The following LRCH1 variants were observed in gnomAD, a reference collection of about 807,000 sequenced individuals.
LRCH1 encodes the protein leucine rich repeats and calponin homology domain containing 1, also known as leucine-rich repeat and calponin homology domain-containing protein 1.
LRCH1 carries 23 observed loss-of-function variants against 94.9 expected under a neutral mutation model. The observed-to-expected ratio is 0.24, with a 90% CI of 0.17 to 0.34. The LOEUF (loss-of-function observed/expected upper bound fraction) is 0.34, where lower values mean the gene tolerates loss of function less well. Among genes scored for constraint, LRCH1 ranks in the 10% least tolerant of loss-of-function variants. The probability of loss-of-function intolerance (pLI) is 1.00; values close to 1 mark genes in which losing one functional copy is unlikely to be tolerated. For missense variants in LRCH1, 790 were observed against 945.9 expected (o/e 0.84, Z 2.16); for synonymous variants, 364 against 354.9 (o/e 1.03, Z -0.29).
chr13:46,658,530 A>AGTGC (rs982891929), intron 2 of LRCH1, among the ~76,000 whole-genome samples: 7 of 152,130 alleles, frequency 4.6e-5, no homozygotes, highest in African/African-American at 1.7e-4. Flanking sequence ...CTCAGGCCGG[A>AGTGC]GTGCAGTGGT....
chr13:46,553,533 G>A lies in LRCH1; in HGVS notation c.137G>A (p.Gly46Asp), dbSNP rs1196480988. Residue 46 changes from glycine (G) to aspartate (D), a missense_variant, in exon 1 of 20, where the codon GGT becomes GAT. Transcript: ENST00000389797. ...GGAACCGGCGCCCCCGGCGGGGCGG[G>A]TGGTGGCGGCGGTGGCAGCGGGGGC... is the stretch of plus-strand genomic sequence containing the variant. ...HGGTGAPGGA[G>D]GGGGGSGGFN... The A allele has an allele frequency of 2.6e-6, 4 of 1,546,624 alleles. No individual in the cohort carries two copies. The highest frequency in any genetic ancestry group is 1.4e-5 in the African/African-American group (1 of 72,810).
intron 17 of LRCH1, among the ~76,000 whole-genome samples, chr13:46,723,661 G>C (rs7988835): frequency 6.6e-6 from 1 of 151,962 alleles, no homozygotes; most frequent in East Asian, 1.9e-4. Context: ...TTAGCTGGGC[G>C]TGGTGGCGTA....
At chr13:46,609,761 T>C (rs2050726751) in intron 1 of LRCH1, among the ~76,000 whole-genome samples, 1 of 152,106 alleles carries the variant, frequency 6.6e-6, no homozygotes, top group African/African-American at 2.4e-5. Flanking sequence ...TTTTTAAAAA[T>C]TTATAGCTGT....
At chr13:46,645,162 AC>A (rs140630408) in intron 1 of LRCH1, among the ~76,000 whole-genome samples, 12,972 of 152,302 alleles carry the variant, frequency 0.085, 665 homozygotes, top group Middle Eastern at 0.15. Flanking sequence ...CCAGACTGAT[AC>A]ACTAATTAGT....
intron 4 of LRCH1, 52 bp from the exon 5 acceptor site, chr13:46,685,853 T>G: frequency 1.5e-6 from 2 of 1,294,138 alleles, no homozygotes; most frequent in Non-Finnish European, 2.1e-6. Flanking sequence ...CATTTAATCT[T>G]ATTGATTTCT....
rs535598891 is a variant in LRCH1, at chr13:46,699,883, G to A, written c.1313+480G>A. Among the ~76,000 whole-genome samples the A allele has an allele frequency of 3.5e-4, 54 of 152,236 alleles. 1 individual carries two copies. The South Asian group carries it at 9.1e-3, about 26-fold the overall frequency. On this transcript the variant is annotated intron_variant, in intron 10 of 19. Transcript: ENST00000389797. The stretch of plus-strand genomic sequence containing the variant: ...AGGCATTGTCCTAAATACTTGACAG[G>A]CCATAACTCATTTCATCTTTACAAC...
At chr13:46,691,909 CGATCTCTT>C (rs959748408) in intron 7 of LRCH1, among the ~76,000 whole-genome samples, 24 of 152,122 alleles carry the variant, frequency 1.6e-4, no homozygotes, top group African/African-American at 5.8e-4. Context: ...AGGATGGTCT[CGATCTCTT>C]GATCTTGTGA....
intron 10 of LRCH1, among the ~76,000 whole-genome samples, chr13:46,700,493 A>T (rs1361421810): frequency 6.6e-6 from 1 of 151,864 alleles, no homozygotes; most frequent in African/African-American, 2.4e-5. Context: ...TTGTTTTTAA[A>T]CTATATAACG....
chr13:46,613,769 A>G (rs544995335), intron 1 of LRCH1, among the ~76,000 whole-genome samples: 1 of 152,320 alleles, frequency 6.6e-6, no homozygotes, highest in South Asian at 2.1e-4. Context: ...AAGCAGGGTG[A>G]CCACAGAAGT....
rs1331719613 is a variant in LRCH1 at position 46,744,426 on chromosome 13, G to C, written c.*2578G>C. The stretch of plus-strand genomic sequence containing the variant: ...GGTGGCAACTCTCCACTCAGTGTCA[G>C]GAATTCCAAAATTTGTGACACCTAA... On this transcript the variant is annotated 3_prime_UTR_variant, in exon 20 of 20. Coordinates refer to ENST00000389797, the MANE Select transcript of LRCH1 (RefSeq NM_001164211.2). 1 of 977,216 alleles carries C rather than the reference G, an allele frequency of 1.0e-6. No homozygotes were observed. Among genetic ancestry groups the C allele is most frequent in the African/African-American group, 2.0e-5 (1 of 50,158 alleles). The allele number at this position is 977,216 out of a possible 1,614,324, so 60.5% of individuals were successfully genotyped here.
At chr13:46,586,124 A>G (rs552720975) in intron 1 of LRCH1, among the ~76,000 whole-genome samples, 1 of 152,368 alleles carries the variant, frequency 6.6e-6, no homozygotes, top group African/African-American at 2.4e-5. Context: ...GCAATGGAAC[A>G]TGTTTATTGC....
intron 15 of LRCH1, among the ~76,000 whole-genome samples, chr13:46,714,907 T>A (rs1303409073): frequency 6.6e-6 from 1 of 152,210 alleles, no homozygotes; most frequent in Non-Finnish European, 1.5e-5. Context: ...GTTTTTTGTT[T>A]TTTAACTGAG....
chr13:46,566,942 G>A (rs1264908518), intron 1 of LRCH1, among the ~76,000 whole-genome samples: 1 of 152,170 alleles, frequency 6.6e-6, no homozygotes, highest in African/African-American at 2.4e-5. Flanking sequence ...TAAGAATTGT[G>A]TTTTAAAGCA....
intron 4 of LRCH1, among the ~76,000 whole-genome samples, chr13:46,685,358 C>T (rs1057211462): frequency 6.6e-6 from 1 of 152,168 alleles, no homozygotes; most frequent in Admixed American, 6.5e-5. Context: ...AGAATAAAGT[C>T]TCATCATACC....
intron 1 of LRCH1, among the ~76,000 whole-genome samples, chr13:46,624,357 G>A (rs991787642): frequency 2.6e-5 from 4 of 152,170 alleles, no homozygotes; most frequent in Non-Finnish European, 5.9e-5. Flanking sequence ...CCTTATTAAG[G>A]AAAGCACTTT....
rs1400557144 is a variant in LRCH1 at position 46,594,671 on chromosome 13, G to A, written c.307+40968G>A. 8.6e-5 allele frequency among the ~76,000 whole-genome samples: 13 copies of A among 151,354 alleles called. No individual in the cohort carries two copies. The East Asian group carries it at 1.5e-3, about 18-fold the overall frequency. ...AATATTTAAAGTTTCTCGATTTGACGGGGCTGAATTAGTTCATATGAGTTC... is the reference window on the plus strand; with the variant it reads ...AATATTTAAAGTTTCTCGATTTGACAGGGCTGAATTAGTTCATATGAGTTC... On this transcript the variant is annotated intron_variant, in intron 1 of 19. Transcript: ENST00000389797.
chr13:46,715,773 G>A (rs1872290028), intron 16 of LRCH1, 109 bp downstream of exon 16: 3 of 701,574 alleles, frequency 4.3e-6, no homozygotes, highest in Non-Finnish European at 5.0e-6. Context: ...CTGCATGCTT[G>A]GTATGAGAAA....
intron 1 of LRCH1, among the ~76,000 whole-genome samples, chr13:46,572,571 A>G (rs1400810108): frequency 6.6e-6 from 1 of 152,138 alleles, no homozygotes; most frequent in African/African-American, 2.4e-5. Flanking sequence ...AGCTACCTAT[A>G]ACGACTGTTT....
chr13:46,696,351 G>A (rs1450028985), intron 9 of LRCH1, among the ~76,000 whole-genome samples: 16 of 152,166 alleles, frequency 1.1e-4, no homozygotes, highest in Non-Finnish European at 2.9e-5. Context: ...TCTGTGGGAC[G>A]ATTCTTCCAT....
Sources: allele counts gnomAD v4.1 joint callset (sites outside exome capture counted in the v4.1 genomes callset), GRCh38; gene constraint gnomAD v4.1.1; transcripts MANE v1.5; gene names NCBI Gene and HGNC (gene_info 2026-07-23, HGNC 2026-07-21).